Variants in POU6F2 observed in about 807,000 individuals in gnomAD.
POU6F2 encodes POU class 6 homeobox 2, also known as POU domain, class 6, transcription factor 2.
In POU6F2, 31 loss-of-function variants were observed where a neutral mutation model predicts 71.3. The observed-to-expected ratio is 0.43, with a 90% CI of 0.33 to 0.59. The LOEUF (loss-of-function observed/expected upper bound fraction) is 0.59, where lower values mean the gene tolerates loss of function less well. POU6F2 is among the 20% of genes least tolerant of loss of function. The probability of loss-of-function intolerance (pLI) is 0.04; values close to 1 mark genes in which losing one functional copy is unlikely to be tolerated. For synonymous variants in POU6F2, 347 were observed against 355.7 expected, an observed-to-expected ratio of 0.98 and a Z score of 0.27; for missense variants, 783 against 856.8, an observed-to-expected ratio of 0.91 and a Z score of 1.07.
chr7:39,453,858 A>G (rs529194616), intron 8 of POU6F2, among the ~76,000 whole-genome samples: 1 of 152,314 alleles, frequency 6.6e-6, no homozygotes, highest in African/African-American at 2.4e-5. Flanking sequence ...CGGAAACTTC[A>G]AACCCATATG....
At chr7:39,447,225 T>C (rs1360440185) in intron 7 of POU6F2, among the ~76,000 whole-genome samples, 1 of 152,158 alleles carries the variant, frequency 6.6e-6, no homozygotes, top group Non-Finnish European at 1.5e-5. Flanking sequence ...TTTGAAATTT[T>C]ATATTAGGGA....
chr7:39,016,524 G>T (rs1210167757), intron 1 of POU6F2, among the ~76,000 whole-genome samples: 4 of 151,932 alleles, frequency 2.6e-5, no homozygotes, highest in African/African-American at 9.7e-5. Flanking sequence ...AAGCACTGGA[G>T]CATTTTAAAA....
chr7:39,017,389 A>G (rs934243885), intron 1 of POU6F2, among the ~76,000 whole-genome samples: 1 of 152,182 alleles, frequency 6.6e-6, no homozygotes, highest in Non-Finnish European at 1.5e-5. Flanking sequence ...CTACTGCTAA[A>G]TCACCATCTT....
At chr7:39,334,111 C>G (rs754359336) in intron 4 of POU6F2, among the ~76,000 whole-genome samples, 1 of 152,180 alleles carries the variant, frequency 6.6e-6, no homozygotes, top group Non-Finnish European at 1.5e-5. Flanking sequence ...CCCCTGACAT[C>G]TCAAGAGACA....
intron 2 of POU6F2, among the ~76,000 whole-genome samples, chr7:39,132,204 G>C (rs1792300469): frequency 6.6e-6 from 1 of 152,150 alleles, no homozygotes; most frequent in Non-Finnish European, 1.5e-5. Flanking sequence ...AATTTGTCTG[G>C]TCATTTTGGA....
intron 2 of POU6F2, among the ~76,000 whole-genome samples, chr7:39,140,202 C>G (rs1792466654): frequency 6.6e-6 from 1 of 152,166 alleles, no homozygotes; most frequent in African/African-American, 2.4e-5. Context: ...AATCTAAGCA[C>G]AGAATTAAAG....
chr7:39,334,423 T>C (rs991321913), intron 4 of POU6F2, among the ~76,000 whole-genome samples: 1 of 151,942 alleles, frequency 6.6e-6, no homozygotes, highest in African/African-American at 2.4e-5. Context: ...GAGGAATGGG[T>C]ACATTAGAAG....
At chr7:39,183,260 A>C (rs1407307168) in intron 2 of POU6F2, among the ~76,000 whole-genome samples, 2 of 152,200 alleles carry the variant, frequency 1.3e-5, no homozygotes, top group African/African-American at 4.8e-5. Flanking sequence ...CTGCTGTATT[A>C]GTCTGTTCTC....
At chr7:39,192,199 G>C (rs1380892103) in intron 2 of POU6F2, among the ~76,000 whole-genome samples, 1 of 152,174 alleles carries the variant, frequency 6.6e-6, no homozygotes, top group Non-Finnish European at 1.5e-5. Flanking sequence ...TCTGGGGGTA[G>C]GTATTTCCTT....
intron 1 of POU6F2, among the ~76,000 whole-genome samples, chr7:39,033,101 G>A (rs573210644): frequency 2.0e-5 from 3 of 152,116 alleles, no homozygotes; most frequent in Non-Finnish European, 2.9e-5. Context: ...GACTATTAAC[G>A]TCACACGATT....
At chr7:38,983,270 T>C (rs1788369714) in intron 1 of POU6F2, among the ~76,000 whole-genome samples, 1 of 152,092 alleles carries the variant, frequency 6.6e-6, no homozygotes, top group Admixed American at 6.5e-5. Flanking sequence ...TATGGCCAAA[T>C]CTTTACTTGG....
intron 4 of POU6F2, among the ~76,000 whole-genome samples, chr7:39,220,999 GAT>G (rs1317083254): frequency 6.6e-6 from 1 of 152,034 alleles, no homozygotes; most frequent in African/African-American, 2.4e-5. Context: ...GTGTTGAAAT[GAT>G]ATTTTGGATA....
chr7:39,025,947 A>G (rs1375016965), intron 1 of POU6F2, among the ~76,000 whole-genome samples: 2 of 152,248 alleles, frequency 1.3e-5, no homozygotes, highest in South Asian at 2.1e-4. Flanking sequence ...AAGGATATGA[A>G]CAGACACTTC....
At chr7:39,216,971 A>G (rs1044449124) in intron 4 of POU6F2, among the ~76,000 whole-genome samples, 1 of 152,130 alleles carries the variant, frequency 6.6e-6, no homozygotes, top group African/African-American at 2.4e-5. Flanking sequence ...GGAAATGATA[A>G]AAGATAAATA....
At chr7:39,430,132 C>A (rs1437030273) in intron 6 of POU6F2, among the ~76,000 whole-genome samples, 1 of 152,228 alleles carries the variant, frequency 6.6e-6, no homozygotes, top group Non-Finnish European at 1.5e-5. Context: ...CATCTTTACC[C>A]TTCAATGAAT....
intron 4 of POU6F2, among the ~76,000 whole-genome samples, chr7:39,247,156 A>G (rs1783836279): frequency 6.6e-6 from 1 of 152,020 alleles, no homozygotes; most frequent in Non-Finnish European, 1.5e-5. Context: ...GTTAAGGATT[A>G]TTATTTTCAA....
chr7:39,331,368 C>G (rs1339138915), intron 4 of POU6F2, among the ~76,000 whole-genome samples: 5 of 152,316 alleles, frequency 3.3e-5, no homozygotes, highest in Admixed American at 1.3e-4. Context: ...TCCACAAAGG[C>G]TGTCTTAGTT....
intron 5 of POU6F2, among the ~76,000 whole-genome samples, chr7:39,388,491 A>AT (rs1292961138): frequency 1.3e-5 from 2 of 151,928 alleles, no homozygotes. Context: ...GATTTTTGTA[A>AT]TTTTAGTAGA....
At chr7:39,005,484 C>CTGTGTGTGTGTGTGTGTCTGTGTG (rs1789034216) in intron 1 of POU6F2, among the ~76,000 whole-genome samples, 1 of 126,610 alleles carries the variant, frequency 7.9e-6, no homozygotes, top group Non-Finnish European at 1.7e-5. Flanking sequence ...AGGGAGAAAC[C>CTGTGTGTGTGTGTGTGTCTGTGTG]TGTGTGTGTG....
Sources: gnomAD v4.1 joint callset for allele counts (sites outside exome capture counted in the v4.1 genomes callset) on GRCh38, gnomAD v4.1.1 for gene constraint, MANE v1.5 for transcripts, NCBI Gene and HGNC (gene_info 2026-07-23, HGNC 2026-07-21) for gene names.